The following DENND5B variants were observed in gnomAD, a reference collection of about 807,000 sequenced individuals.
The protein encoded by DENND5B is DENN domain-containing protein 5B.
Under a neutral mutation model 140.6 loss-of-function variants are expected in DENND5B, and 34 were observed. The ratio of observed to expected loss-of-function variants is 0.24; its 90% confidence interval spans 0.18 to 0.32. The LOEUF (loss-of-function observed/expected upper bound fraction) is 0.32. Ranked by LOEUF, DENND5B falls within the 10% of genes least tolerant of loss-of-function variation. The pLI, the probability that DENND5B is intolerant of heterozygous loss-of-function variation, is 1.00. For missense variants in DENND5B, 1,142 were observed against 1,560.2 expected, an observed-to-expected ratio of 0.73 and a Z score of 4.52; for synonymous variants, 551 against 562.1, an observed-to-expected ratio of 0.98 and a Z score of 0.28.
At chr12:31,447,441 A>T in intron 6 of DENND5B, 97 bp downstream of exon 6, 1 of 1,149,340 alleles carries the variant, frequency 8.7e-7, no homozygotes, top group East Asian at 2.6e-5. Context: ...ATGAAGTCTA[A>T]AACTGAAAAT....
chr12:31,424,765 A>G (rs1943162331), intron 9 of DENND5B, 78 bp from the exon 10 acceptor site: 3 of 1,543,082 alleles, frequency 1.9e-6, no homozygotes, highest in South Asian at 2.5e-5. Flanking sequence ...AAAGTAGGAG[A>G]CTTGGTTTCC....
chr12:31,408,868 G>A (rs907976058), intron 14 of DENND5B, among the ~76,000 whole-genome samples: 1 of 152,190 alleles, frequency 6.6e-6, no homozygotes, highest in Non-Finnish European at 1.5e-5. Flanking sequence ...CATGGACAAT[G>A]CTGCTCCTGG....
intron 15 of DENND5B, 138 bp downstream of exon 15, chr12:31,402,360 T>C (rs1941849918): frequency 9.2e-7 from 1 of 1,091,560 alleles, no homozygotes; most frequent in Non-Finnish European, 1.3e-6. Context: ...TTTAGACATA[T>C]AATCACAAAA....
intron 19 of DENND5B, among the ~76,000 whole-genome samples, chr12:31,391,945 C>T (rs374141751): frequency 1.3e-5 from 2 of 152,022 alleles, no homozygotes; most frequent in Non-Finnish European, 1.5e-5. Context: ...TCAAGACCAG[C>T]CTGGCCAATA....
chr12:31,558,091 T>C (rs1242198692), intron 1 of DENND5B, among the ~76,000 whole-genome samples: 1 of 152,140 alleles, frequency 6.6e-6, no homozygotes, highest in East Asian at 1.9e-4. Context: ...AGCAATCGCA[T>C]AGACTAGTCT....
At chr12:31,405,380 C>A (rs1422982961) in intron 14 of DENND5B, among the ~76,000 whole-genome samples, 1 of 151,892 alleles carries the variant, frequency 6.6e-6, no homozygotes, top group Non-Finnish European at 1.5e-5. Context: ...CTACGCCCAG[C>A]TATTTTTTTG....
At chr12:31,544,396 C>G (rs973580946) in intron 1 of DENND5B, among the ~76,000 whole-genome samples, 2 of 152,268 alleles carry the variant, frequency 1.3e-5, no homozygotes, top group Non-Finnish European at 2.9e-5. Context: ...ATCCTCCTGC[C>G]TCAGCCTTCC....
chr12:31,426,519 CA>C, intron 8 of DENND5B, 95 bp from the exon 9 acceptor site: 2 of 1,387,750 alleles, frequency 1.4e-6, no homozygotes, highest in Non-Finnish European at 1.9e-6. Context: ...AAATGAAATG[CA>C]AAAAAGTCCG....
chr12:31,571,889 G>A (rs79270771), intron 1 of DENND5B, among the ~76,000 whole-genome samples: 19,500 of 152,130 alleles, frequency 0.13, 1,442 homozygotes, highest in Non-Finnish European at 0.17. Flanking sequence ...GATTACAGGC[G>A]AGAGCCACCG....
At chr12:31,404,257 TA>T (rs1941994630) in intron 14 of DENND5B, among the ~76,000 whole-genome samples, 2 of 152,100 alleles carry the variant, frequency 1.3e-5, no homozygotes, top group Admixed American at 6.6e-5. Context: ...TTTAAGCACA[TA>T]AGCATTTTTG....
At position 31,479,776 on chromosome 12, in the gene DENND5B, T is replaced by A. The variant is rs1203172451; in HGVS notation, c.717A>T (p.Pro239=). The change falls in exon 3 of 21, where the codon CCA becomes CCT. Residue 239 remains proline, a synonymous_variant. Coordinates refer to ENST00000389082, the MANE Select transcript of DENND5B (RefSeq NM_144973.4). ...IHNILYEVPL[P]PPGRSLKFYG... ...AAAATTTCAGTGACCTCCCTGGAGG[T>A]GGAAGGGGTACTTCATAAAGAATAT... The A allele has an allele frequency of 6.2e-7, 1 of 1,609,960 alleles. No homozygotes were observed.
Position 31,575,599 on chromosome 12 carries a change from G to T in DENND5B, c.127+15107C>A, listed in dbSNP as rs576639908. Among the ~76,000 whole-genome samples the T allele has an allele frequency of 3.9e-5, 6 of 152,280 alleles. No individual in the cohort carries two copies. In the South Asian group the frequency reaches 1.0e-3, roughly 26 times the overall value. On this transcript the variant is annotated intron_variant, in intron 1 of 20. Coordinates refer to ENST00000389082, the MANE Select transcript of DENND5B (RefSeq NM_144973.4). The stretch of plus-strand genomic sequence containing the variant: ...AGGACCACAAGAGAAGGAAGAGGAA[G>T]AAAACTGAACAGATACTGGAAATAA...
chr12:31,572,573 T>C (rs960093001), intron 1 of DENND5B, among the ~76,000 whole-genome samples: 11 of 149,008 alleles, frequency 7.4e-5, no homozygotes, highest in Admixed American at 6.7e-5. Context: ...CACGAGTTAT[T>C]AACACATAGC....
intron 1 of DENND5B, among the ~76,000 whole-genome samples, chr12:31,586,327 T>G (rs983992058): frequency 6.6e-6 from 1 of 152,158 alleles, no homozygotes; most frequent in African/African-American, 2.4e-5. Flanking sequence ...AATTTAAACA[T>G]TTCTCCCAAA....
intron 13 of DENND5B, among the ~76,000 whole-genome samples, chr12:31,412,857 G>A (rs977790821): frequency 6.6e-6 from 1 of 152,018 alleles, no homozygotes; most frequent in Non-Finnish European, 1.5e-5. Context: ...AAATTCATCC[G>A]ATCTTTTGGA....
At position 31,471,461 on chromosome 12, in the gene DENND5B, A is replaced by ATTTTTTTTTTTT. The variant is rs747862984; in HGVS notation, c.904+8116_904+8127dup. On this transcript the variant is annotated intron_variant, in intron 3 of 20. Coordinates refer to ENST00000389082, the MANE Select transcript of DENND5B (RefSeq NM_144973.4). ...TACAATCGCACACCACCATGCCTGT[A>ATTTTTTTTTTTT]TTTTTTTTTTTTTTTTTTTTGTAGA... is the stretch of plus-strand genomic sequence containing the variant. Among the ~76,000 whole-genome samples, 6 of 111,932 alleles carry ATTTTTTTTTTTT rather than the reference A, an allele frequency of 5.4e-5. 1 individual carries two copies. The highest frequency in any genetic ancestry group is 3.4e-5 in the Non-Finnish European group (2 of 58,182). The allele number at this position is 111,932 out of a possible 152,430, so 73.4% of individuals were successfully genotyped here.
intron 1 of DENND5B, among the ~76,000 whole-genome samples, chr12:31,553,246 G>A (rs2139264089): frequency 6.6e-6 from 1 of 152,282 alleles, no homozygotes; most frequent in Admixed American, 6.5e-5. Context: ...GTGTCCCAGA[G>A]ATTCTGGTAT....
chr12:31,545,438 CTA>C (rs1360553408), intron 1 of DENND5B, among the ~76,000 whole-genome samples: 2 of 152,044 alleles, frequency 1.3e-5, no homozygotes, highest in Non-Finnish European at 2.9e-5. Flanking sequence ...ATCTTTATGT[CTA>C]TGAGTACCCA....
intron 2 of DENND5B, among the ~76,000 whole-genome samples, chr12:31,483,800 TATTTTAG>T (rs973719158): frequency 8.1e-4 from 123 of 152,244 alleles, no homozygotes; most frequent in African/African-American, 2.9e-3. Flanking sequence ...ACTTGCTGTT[TATTTTAG>T]ATTTTAGACT....
Sources: allele counts gnomAD v4.1 joint callset (sites outside exome capture counted in the v4.1 genomes callset), GRCh38; gene constraint gnomAD v4.1.1; transcripts MANE v1.5; gene names NCBI Gene and HGNC (gene_info 2026-07-23, HGNC 2026-07-21).